Variants in NR3C1 observed in about 807,000 individuals in gnomAD.
The protein encoded by NR3C1 is nuclear receptor subfamily 3 group C member 1, also known as glucocorticoid receptor.
Under a neutral mutation model 74.0 loss-of-function variants are expected in NR3C1, and 14 were observed. That is an observed-to-expected ratio of 0.19 (90% CI 0.12 to 0.30). NR3C1 has a LOEUF of 0.30. NR3C1 is among the 10% of genes least tolerant of loss of function. The pLI is 1.00. For missense variants in NR3C1, 695 were observed against 909.8 expected (o/e 0.76, Z 3.04); for synonymous variants, 308 against 332.5 (o/e 0.93, Z 0.80).
At chr5:143,405,255 GCCAGCT>G (rs1841035724), upstream of NR3C1, 1 of 985,694 alleles carries the variant, frequency 1.0e-6, no homozygotes, top group Non-Finnish European at 1.2e-6. Flanking sequence ...GACATCGCTT[GCCAGCT>G]CCTGACACGG....
chr5:143,318,280 A>C (rs1389421724), intron 2 of NR3C1, among the ~76,000 whole-genome samples: 1 of 152,180 alleles, frequency 6.6e-6, no homozygotes, highest in African/African-American at 2.4e-5. Context: ...TTTTCTGATT[A>C]CTACACCAAA....
chr5:143,374,574 T>C (rs1017505471), intron 2 of NR3C1, among the ~76,000 whole-genome samples: 1 of 151,832 alleles, frequency 6.6e-6, no homozygotes, highest in Non-Finnish European at 1.5e-5. Context: ...TTAGTAACTC[T>C]GATTCTTGGG....
Position 143,403,621 on chromosome 5 carries a change from A to T in NR3C1, c.-424T>A. ...CGGCGGCGGAGGGAAGAGAGCGCGG[A>T]CACGCGAAAGGGCAGCCCGGCCTGG... is the stretch of plus-strand genomic sequence containing the variant. On this transcript the variant is annotated 5_prime_UTR_variant, in exon 1 of 9. Coordinates refer to ENST00000394464, the MANE Select transcript of NR3C1 (RefSeq NM_000176.3). 1 of 986,290 alleles carries T rather than the reference A, an allele frequency of 1.0e-6. No individual in the cohort carries two copies. Among genetic ancestry groups the T allele is most frequent in the Non-Finnish European group, 1.2e-6 (1 of 830,796 alleles). The allele number at this position is 986,290 out of a possible 1,614,324, so 61.1% of individuals were successfully genotyped here.
At chr5:143,398,862 TA>T (rs1216721445) in intron 2 of NR3C1, among the ~76,000 whole-genome samples, 15 of 151,844 alleles carry the variant, frequency 9.9e-5, no homozygotes, top group Admixed American at 9.8e-4. Context: ...AACGACTGAG[TA>T]AAAAAAAGAG....
chr5:143,312,722 C>CGTTAA, intron 3 of NR3C1, among the ~76,000 whole-genome samples: 2 of 152,266 alleles, frequency 1.3e-5, no homozygotes, highest in South Asian at 4.1e-4. Flanking sequence ...GTTGAAAAAT[C>CGTTAA]GTTAAGTCAG....
upstream of NR3C1, among the ~76,000 whole-genome samples, chr5:143,408,513 A>G (rs1358010715): frequency 6.6e-6 from 1 of 151,288 alleles, no homozygotes; most frequent in Non-Finnish European, 1.5e-5. Context: ...CTTAATACTG[A>G]AAGTGTTTTA....
At chr5:143,414,776 G>A (rs1053147516) in intron 1 of NR3C1, among the ~76,000 whole-genome samples, 6 of 152,142 alleles carry the variant, frequency 3.9e-5, no homozygotes, top group African/African-American at 1.2e-4. Flanking sequence ...TAAATAGTTC[G>A]GTTATTGAAT....
chr5:143,333,739 G>C (rs1826504496), intron 2 of NR3C1, among the ~76,000 whole-genome samples: 1 of 152,212 alleles, frequency 6.6e-6, no homozygotes, highest in African/African-American at 2.4e-5. Context: ...GTGCACTCCA[G>C]CTGGGCGACA....
Position 143,435,300 on chromosome 5 carries a change from C to A in NR3C1, c.-782G>T, listed in dbSNP as rs148648056. On this transcript the variant is annotated 5_prime_UTR_variant, in exon 1 of 9. Transcript: ENST00000343796. ...CCTGCAGGGCTTGAAAGATTTCTGA[C>A]CTTCTAAGGTCCAGTGATTTGGTAT... 6 of 985,402 alleles carry A rather than the reference C, an allele frequency of 6.1e-6. No homozygotes were observed. Among genetic ancestry groups the A allele is most frequent in the Admixed American group, 6.1e-5 (1 of 16,288 alleles). 61.0% of individuals were successfully genotyped at this position (985,402 alleles called of 1,614,324 possible). A position where few individuals can be genotyped will look rare whatever the true frequency, so the allele number is the denominator to read the frequency against.
At chr5:143,360,778 A>C (rs1033390009) in intron 2 of NR3C1, among the ~76,000 whole-genome samples, 3 of 152,188 alleles carry the variant, frequency 2.0e-5, no homozygotes, top group Admixed American at 6.5e-5. Flanking sequence ...TTAGGGACTC[A>C]TCTAATATGA....
rs1207812066 is a variant in NR3C1 at position 143,314,659 on chromosome 5, C to T, written c.1185-491G>A. 2.0e-5 allele frequency among the ~76,000 whole-genome samples: 3 copies of T among 152,050 alleles called. No individual in the cohort carries two copies. In the East Asian group the frequency reaches 5.8e-4, roughly 29 times the overall value. On this transcript the variant is annotated intron_variant, in intron 2 of 8. Transcript: ENST00000394464. ...TTTTTCCTAATTTTAAGATCTTATACAGGCATCTTTTAAAATTCAATCAAG... is the reference window on the plus strand; with the variant it reads ...TTTTTCCTAATTTTAAGATCTTATATAGGCATCTTTTAAAATTCAATCAAG...
At chr5:143,299,018 T>TG (rs946140195) in intron 5 of NR3C1, among the ~76,000 whole-genome samples, 3 of 148,992 alleles carry the variant, frequency 2.0e-5, no homozygotes, top group African/African-American at 7.5e-5. Flanking sequence ...TTTTTTTTTT[T>TG]TTTTTTTTTT....
chr5:143,416,123 G>C (rs1841468329), intron 1 of NR3C1, among the ~76,000 whole-genome samples: 1 of 152,166 alleles, frequency 6.6e-6, no homozygotes, highest in Non-Finnish European at 1.5e-5. Flanking sequence ...GATCTGCCCT[G>C]TTGTGGCCAC....
At chr5:143,364,662 T>C (rs1832887217) in intron 2 of NR3C1, among the ~76,000 whole-genome samples, 1 of 152,216 alleles carries the variant, frequency 6.6e-6, no homozygotes, top group African/African-American at 2.4e-5. Flanking sequence ...GCAAAGTTTT[T>C]ATACACTGTT....
chr5:143,408,447 A>T (rs1841188807), upstream of NR3C1, among the ~76,000 whole-genome samples: 1 of 152,232 alleles, frequency 6.6e-6, no homozygotes, highest in African/African-American at 2.4e-5. Flanking sequence ...CCTTTTTTTT[A>T]AACAAAGTAG....
chr5:143,332,656 A>T (rs1440779893), intron 2 of NR3C1: 2 of 1,579,108 alleles, frequency 1.3e-6, no homozygotes, highest in Non-Finnish European at 1.7e-6. Context: ...AAGCGACTGG[A>T]ATCATTCCTA....
chr5:143,287,237 TG>T (rs1026953077), intron 7 of NR3C1, among the ~76,000 whole-genome samples: 8 of 152,072 alleles, frequency 5.3e-5, no homozygotes, highest in Admixed American at 1.3e-4. Context: ...AAAATTTCAA[TG>T]AAACTAAAAA....
Position 143,300,353 on chromosome 5 carries a change from T to C in NR3C1, c.1747+132A>G. ...CCTATCACCTGTATTCACCTGACTC[T>C]CCCCTTCATAGTCCCCAGAACTAAG... On this transcript the variant is annotated intron_variant, in intron 5 of 8. Coordinates refer to ENST00000394464, the MANE Select transcript of NR3C1 (RefSeq NM_000176.3). This position sits in a 1 kb window ranked among gnomAD's most constrained non-coding sequence, Gnocchi z 5.2. The C allele has an allele frequency of 9.5e-7, 1 of 1,054,080 alleles. No homozygotes were observed. Among genetic ancestry groups the C allele is most frequent in the Non-Finnish European group, 1.5e-6 (1 of 685,838 alleles). The allele number at this position is 1,054,080 out of a possible 1,614,324, so 65.3% of individuals were successfully genotyped here.
At chr5:143,433,830 A>C (rs973767387) in intron 1 of NR3C1, 1 of 152,272 alleles carries the variant, frequency 6.6e-6, no homozygotes, top group Non-Finnish European at 1.5e-5. Flanking sequence ...GTTCAAACCT[A>C]AGGCAGGTCA....
Sources: gnomAD v4.1 joint callset for allele counts (sites outside exome capture counted in the v4.1 genomes callset) on GRCh38, gnomAD v4.1.1 for gene constraint, Gnocchi (gnomAD v3.1) non-coding constraint, MANE v1.5 for transcripts, NCBI Gene and HGNC (gene_info 2026-07-23, HGNC 2026-07-21) for gene names.